Variants in ZNF469 observed in about 807,000 individuals in gnomAD.
The protein encoded by ZNF469 is zinc finger protein 469.
Under a neutral mutation model 1.0 loss-of-function variants are expected in ZNF469, and 1 was observed. The observed-to-expected ratio is 1.00, with a 90% confidence interval of 0.35 to 4.73. The LOEUF (loss-of-function observed/expected upper bound fraction) is 4.73. Ranked by LOEUF, ZNF469 falls within the 30% of genes most tolerant of loss-of-function variation. ZNF469 has a pLI of 0.16. For synonymous variants in ZNF469, 2,703 were observed against 2,363.4 expected (o/e 1.14, Z -4.17); for missense variants, 6,100 against 5,356.3 (o/e 1.14, Z -4.33).
the ZNF469 span, among the ~76,000 whole-genome samples, chr16:88,300,445 C>T: frequency 7.2e-5 from 11 of 152,086 alleles, no homozygotes; most frequent in African/African-American, 2.2e-4. Flanking sequence ...CTGCGTGTGA[C>T]GGGTGCAGCA....
At chr16:88,306,504 GA>G in the ZNF469 span, among the ~76,000 whole-genome samples, 1 of 152,226 alleles carries the variant, frequency 6.6e-6, no homozygotes, top group Non-Finnish European at 1.5e-5. Flanking sequence ...TGTTGAGTGG[GA>G]AGCCCTCAGG....
At chr16:88,206,753 C>T in the ZNF469 span, among the ~76,000 whole-genome samples, 1 of 149,714 alleles carries the variant, frequency 6.7e-6, no homozygotes, top group Non-Finnish European at 1.5e-5. Flanking sequence ...CTGGCGGGCG[C>T]TTCTTGGTGA....
At chr16:88,103,220 T>C in the ZNF469 span, among the ~76,000 whole-genome samples, 1 of 151,936 alleles carries the variant, frequency 6.6e-6, no homozygotes, top group South Asian at 2.1e-4. Context: ...TGGCATGGCC[T>C]CTCGCCCAGT....
the ZNF469 span, among the ~76,000 whole-genome samples, chr16:88,247,588 CTGAG>C: frequency 3.8e-5 from 5 of 130,140 alleles, no homozygotes; most frequent in South Asian, 2.6e-4. Flanking sequence ...GAGTGAATGA[CTGAG>C]TGAACGAGTG....
At chr16:88,346,498 G>A in the ZNF469 span, among the ~76,000 whole-genome samples, 1 of 152,194 alleles carries the variant, frequency 6.6e-6, no homozygotes, top group African/African-American at 2.4e-5. Context: ...CAGGACCGTT[G>A]CTCCTACTCT....
the ZNF469 span, among the ~76,000 whole-genome samples, chr16:88,352,737 G>T: frequency 6.6e-6 from 1 of 152,226 alleles, no homozygotes; most frequent in Non-Finnish European, 1.5e-5. Flanking sequence ...AGCCCCAAGG[G>T]TCTTCTCTCC....
At position 88,416,417 on chromosome 16, in the gene ZNF469, G is replaced by A. The variant is rs555299022; in HGVS notation, c.-191-8390G>A. Among the ~76,000 whole-genome samples the A allele has an allele frequency of 3.9e-5, 6 of 152,256 alleles. No individual in the cohort carries two copies. In the South Asian group the frequency reaches 1.0e-3, roughly 26 times the overall value. ...GGCTTCCCCACGCTGGAAGACAGAC[G>A]ACACCCAGGCCTCCCGTCCTACCTC... is the stretch of plus-strand genomic sequence containing the variant. On this transcript the variant is annotated intron_variant, in intron 1 of 2. Coordinates refer to ENST00000565624, the MANE Select transcript of ZNF469 (RefSeq NM_001367624.2).
the ZNF469 span, among the ~76,000 whole-genome samples, chr16:88,361,377 A>G: frequency 7.9e-5 from 12 of 152,218 alleles, no homozygotes; most frequent in African/African-American, 2.2e-4. Context: ...ACACTGTATG[A>G]TTCTATTTTT....
At chr16:88,159,309 T>C in the ZNF469 span, among the ~76,000 whole-genome samples, 1 of 152,020 alleles carries the variant, frequency 6.6e-6, no homozygotes, top group Non-Finnish European at 1.5e-5. Flanking sequence ...GCACTGCAGA[T>C]TGTGGAAAAG....
the ZNF469 span, among the ~76,000 whole-genome samples, chr16:88,245,088 T>A: frequency 3.3e-5 from 5 of 152,048 alleles, no homozygotes; most frequent in African/African-American, 9.6e-5. Flanking sequence ...GAAGGAGCAT[T>A]TGGTCTCTGT....
At chr16:88,374,108 C>T in the ZNF469 span, among the ~76,000 whole-genome samples, 155 of 152,252 alleles carry the variant, frequency 1.0e-3, no homozygotes, top group Middle Eastern at 3.4e-3. Context: ...CAGCCCATCA[C>T]AGATGCACAT....
the ZNF469 span, among the ~76,000 whole-genome samples, chr16:88,213,574 A>G: frequency 1.3e-5 from 2 of 152,224 alleles, no homozygotes; most frequent in Non-Finnish European, 2.9e-5. Flanking sequence ...GCTCATCCAC[A>G]TGTTTGTGTC....
the ZNF469 span, among the ~76,000 whole-genome samples, chr16:88,146,830 T>A: frequency 1.1e-4 from 17 of 152,038 alleles, no homozygotes; most frequent in African/African-American, 3.9e-4. Flanking sequence ...AAGGGACCCC[T>A]GGGGCTGAAC....
chr16:88,342,071 C>G, the ZNF469 span, among the ~76,000 whole-genome samples: 1 of 151,008 alleles, frequency 6.6e-6, no homozygotes, highest in South Asian at 2.1e-4. Flanking sequence ...ATGTGCAGGG[C>G]GGGGCGGGGC....
At chr16:88,374,879 C>T in the ZNF469 span, among the ~76,000 whole-genome samples, 22 of 152,336 alleles carry the variant, frequency 1.4e-4, no homozygotes, top group East Asian at 4.2e-3. Context: ...GGCCCCAGCA[C>T]AGCTCACAGT....
the ZNF469 span, among the ~76,000 whole-genome samples, chr16:88,333,047 G>T: frequency 6.6e-6 from 1 of 152,236 alleles, no homozygotes; most frequent in African/African-American, 2.4e-5. Flanking sequence ...TCCTTGTGCT[G>T]CTGCTCATTG....
At chr16:88,163,063 G>A in the ZNF469 span, among the ~76,000 whole-genome samples, 1 of 151,678 alleles carries the variant, frequency 6.6e-6, no homozygotes. Context: ...GTGGGTAGAT[G>A]GATGGATGGA....
chr16:88,428,726 G>C lies in ZNF469; in HGVS notation c.1256G>C (p.Ser419Thr). 6.5e-7 allele frequency: 1 copy of C among 1,547,780 alleles called. No homozygotes were observed. Among genetic ancestry groups the C allele is most frequent in the Non-Finnish European group, 8.7e-7 (1 of 1,146,674 alleles). The change falls in exon 3 of 3, where the codon AGC (serine) becomes ACC (threonine). Residue 419 changes from serine (S) to threonine (T), a missense_variant. Transcript: ENST00000565624. ...TACAGAGCCAGTGGGGTGGACACCA[G>C]CCCGGGGCCTCCGGACACCGAGCTG... ...QAYRASGVDT[S>T]PGPPDTELAA...
chr16:88,230,685 G>A, the ZNF469 span, among the ~76,000 whole-genome samples: 54 of 40,332 alleles, frequency 1.3e-3, no homozygotes, highest in African/African-American at 2.4e-3. Context: ...GAGGGCTGAT[G>A]AGCAGGTGTC....
Sources: allele counts gnomAD v4.1 joint callset (sites outside exome capture counted in the v4.1 genomes callset), GRCh38; gene constraint gnomAD v4.1.1; transcripts MANE v1.5; gene names NCBI Gene and HGNC (gene_info 2026-07-23, HGNC 2026-07-21).